The following ZNF341 variants were observed in gnomAD, a reference collection of about 807,000 sequenced individuals.
The protein encoded by ZNF341 is zinc finger protein 341.
Under a neutral mutation model 87.7 loss-of-function variants are expected in ZNF341, and 52 were observed. The ratio of observed to expected loss-of-function variants is 0.59; its 90% CI spans 0.47 to 0.75. ZNF341 has a LOEUF of 0.75. ZNF341 is among the 30% of genes least tolerant of loss of function. ZNF341 has a pLI of 0.00. For missense variants in ZNF341, 977 were observed against 1,145.9 expected (o/e 0.85, Z 2.13); for synonymous variants, 459 against 472.7 (o/e 0.97, Z 0.38).
intron 12 of ZNF341, among the ~76,000 whole-genome samples, chr20:33,784,502 CCT>C (rs2019811946): frequency 7.9e-6 from 1 of 127,118 alleles, no homozygotes; most frequent in Non-Finnish European, 1.6e-5. Context: ...GCTCCTCCTT[CCT>C]CTCTCCTTCC....
Position 33,753,392 on chromosome 20 carries a change from C to A in ZNF341, c.710C>A (p.Ala237Glu). The A allele has an allele frequency of 6.2e-7, 1 of 1,606,690 alleles. No homozygotes were observed. Among genetic ancestry groups the A allele is most frequent in the Non-Finnish European group, 8.5e-7 (1 of 1,176,776 alleles). ...LAGSGTVEIQ[A>E]LGMQPYPPLE... is the part of the protein sequence containing the mutation. The stretch of plus-strand genomic sequence containing the variant: ...GGGAGTGGAACGGTGGAGATCCAGG[C>A]ACTGGGGATGCAGCCCTACCCACCC... Residue 237 changes from alanine to glutamate, a missense_variant, in exon 5 of 15, where the codon GCA becomes GAA. Transcript: ENST00000375200.
chr20:33,743,416 T>C (rs1362658649), intron 2 of ZNF341, among the ~76,000 whole-genome samples: 1 of 148,486 alleles, frequency 6.7e-6, no homozygotes, highest in Non-Finnish European at 1.5e-5. Context: ...TCTCGCTCAC[T>C]GCAACCTCCA....
Position 33,732,989 on chromosome 20 carries a change from G to A in ZNF341, c.31+937G>A, listed in dbSNP as rs1385902094. On this transcript the variant is annotated intron_variant, in intron 1 of 14. Transcript: ENST00000375200. The surrounding 1 kb of genome is among the most constrained non-coding windows in gnomAD (Gnocchi z 4.5). ...GGTGCAAACTCGAAGTACTGGACTG[G>A]CGGGATGAAGCTGAAGCTTTGAGTC... is the stretch of plus-strand genomic sequence containing the variant. 6.6e-6 allele frequency among the ~76,000 whole-genome samples: 1 copy of A among 152,184 alleles called. No homozygotes were observed. The highest frequency in any genetic ancestry group is 1.5e-5 in the Non-Finnish European group (1 of 68,042).
intron 7 of ZNF341, 145 bp from the exon 8 acceptor site, chr20:33,761,717 G>A (rs1397424635): frequency 4.7e-6 from 3 of 637,722 alleles, no homozygotes; most frequent in African/African-American, 3.7e-5. Flanking sequence ...GCCTGCCTCA[G>A]CGAAGGGGCT....
chr20:33,785,074 A>AT (rs761836178), intron 12 of ZNF341, among the ~76,000 whole-genome samples: 20 of 152,260 alleles, frequency 1.3e-4, no homozygotes, highest in Non-Finnish European at 2.5e-4. Flanking sequence ...TATTAGTTAA[A>AT]TTTTTTAATT....
At chr20:33,741,622 C>T (rs1392055984) in intron 2 of ZNF341, among the ~76,000 whole-genome samples, 2 of 152,080 alleles carry the variant, frequency 1.3e-5, no homozygotes, top group Non-Finnish European at 2.9e-5. Flanking sequence ...CCAGGCTGGT[C>T]TCAAACGCCT....
At chr20:33,767,183 C>T (rs771720110) in intron 9 of ZNF341, 142 bp downstream of exon 9, 6 of 1,051,148 alleles carry the variant, frequency 5.7e-6, no homozygotes, top group Middle Eastern at 3.2e-4. Flanking sequence ...GGTTAGATTC[C>T]GAGCAGGGGA....
At chr20:33,762,090 C>T in intron 8 of ZNF341, 35 bp downstream of exon 8, 2 of 1,478,616 alleles carry the variant, frequency 1.4e-6, no homozygotes, top group Non-Finnish European at 1.8e-6. Flanking sequence ...GCTTCCCACA[C>T]CTCTCTTCTG....
chr20:33,788,749 C>T (rs1374644812), intron 12 of ZNF341, 114 bp from the exon 13 acceptor site: 1 of 785,468 alleles, frequency 1.3e-6, no homozygotes, highest in East Asian at 2.7e-5. Flanking sequence ...GCTATTTTCT[C>T]CCCTGGCCAC....
chr20:33,774,118 A>G (rs1428640030), intron 10 of ZNF341, among the ~76,000 whole-genome samples: 1 of 20,244 alleles, frequency 4.9e-5, no homozygotes, highest in South Asian at 1.5e-3. Flanking sequence ...TGTCTCTACT[A>G]AAAAAAAAAA....
intron 12 of ZNF341, among the ~76,000 whole-genome samples, chr20:33,786,634 A>G (rs1601292694): frequency 6.6e-6 from 1 of 152,206 alleles, no homozygotes; most frequent in Non-Finnish European, 1.5e-5. Flanking sequence ...GTTTGATATT[A>G]CCAAATTGCT....
chr20:33,784,985 C>T (rs2019823782), intron 12 of ZNF341, among the ~76,000 whole-genome samples: 2 of 152,158 alleles, frequency 1.3e-5, no homozygotes, highest in African/African-American at 4.8e-5. Flanking sequence ...CCCACTCAAA[C>T]CTGAACAAAA....
chr20:33,767,016 A>G lies in ZNF341; in HGVS notation c.1388A>G (p.His463Arg), dbSNP rs2019420881. Residue 463 changes from histidine to arginine, a missense_variant, in exon 9 of 15, where the codon CAC (histidine) becomes CGC (arginine). Transcript: ENST00000375200. Reference protein sequence around the residue: ...KFSTYFQLKSHMTQHKNEQVY... With the variant: ...KFSTYFQLKSRMTQHKNEQVY... ...AGCACCTACTTCCAGCTCAAGTCTC[A>G]CATGACCCAGCATAAGAATGAGCAG... The G allele has an allele frequency of 1.9e-6, 3 of 1,613,690 alleles. No homozygotes were observed. The highest frequency in any genetic ancestry group is 2.5e-6 in the Non-Finnish European group (3 of 1,179,806).
Position 33,741,000 on chromosome 20 carries a change from A to C in ZNF341, c.130A>C (p.Ile44Leu). 1 of 1,614,104 alleles carries C rather than the reference A, an allele frequency of 6.2e-7. No homozygotes were observed. Among genetic ancestry groups the C allele is most frequent in the South Asian group, 1.1e-5 (1 of 91,080 alleles). Residue 44 changes from isoleucine (I) to leucine (L), a missense_variant, in exon 2 of 15, where the codon ATC becomes CTC. Physicochemically the swap from Ile to Leu is conservative, Grantham distance 5 (BLOSUM62 2). This residue lies in a region of ZNF341 where 515 missense variants were observed against 598.2 expected (regional missense o/e 0.86). Coordinates refer to ENST00000375200, the MANE Select transcript of ZNF341 (RefSeq NM_001282933.2). ...TGQSVNAPPA[I>L]QPLDDEDVFL... ...CCAGAGTGTCAATGCGCCCCCTGCT[A>C]TCCAGCCATTGGGTGAGTATCTGCT... is the stretch of plus-strand genomic sequence containing the variant.
chr20:33,789,684 G>A, intron 14 of ZNF341, 96 bp downstream of exon 14: 3 of 1,384,950 alleles, frequency 2.2e-6, no homozygotes, highest in Non-Finnish European at 2.0e-6. Context: ...TATCCTGTGA[G>A]GCTTGTTTTC....
intron 5 of ZNF341, 75 bp downstream of exon 5, chr20:33,753,498 C>G: frequency 6.9e-7 from 1 of 1,457,288 alleles, no homozygotes; most frequent in Non-Finnish European, 9.0e-7. Context: ...TCCTGAGCAC[C>G]AGCTGTGTGC....
At chr20:33,783,707 C>T in intron 11 of ZNF341, 25 bp from the exon 12 acceptor site, 1 of 1,613,506 alleles carries the variant, frequency 6.2e-7, no homozygotes, top group Non-Finnish European at 8.5e-7. Flanking sequence ...GTGAGTCAGA[C>T]CTGAAGGCCC....
At chr20:33,781,429 A>C in intron 11 of ZNF341, 42 bp downstream of exon 11, 4 of 1,567,006 alleles carry the variant, frequency 2.6e-6, no homozygotes, top group Non-Finnish European at 3.5e-6. Context: ...AGGCTATAAT[A>C]AGGGCAAGGA....
intron 4 of ZNF341, among the ~76,000 whole-genome samples, chr20:33,749,548 C>T (rs1043792474): frequency 1.3e-5 from 2 of 152,192 alleles, no homozygotes; most frequent in Non-Finnish European, 2.9e-5. Flanking sequence ...CCCCCCACCT[C>T]AGCCTCCTGA....
Sources: allele counts gnomAD v4.1 joint callset (sites outside exome capture counted in the v4.1 genomes callset), GRCh38; gene constraint gnomAD v4.1.1; regional missense constraint gnomAD v4.1.1; non-coding constraint Gnocchi (gnomAD v3.1); transcripts MANE v1.5; gene names NCBI Gene and HGNC (gene_info 2026-07-23, HGNC 2026-07-21).